The following PLXDC2 variants were observed in gnomAD, a reference collection of about 807,000 sequenced individuals.
PLXDC2 encodes the protein plexin domain containing 2.
PLXDC2 carries 40 observed loss-of-function variants against 68.9 expected under a neutral mutation model. That is an observed-to-expected ratio of 0.58 (90% CI 0.45 to 0.76). The LOEUF is 0.76. PLXDC2 is among the 30% of genes least tolerant of loss of function. PLXDC2 has a pLI of 0.00. For synonymous variants in PLXDC2, 243 were observed against 234.2 expected, an observed-to-expected ratio of 1.04 and a Z score of -0.34; for missense variants, 644 against 661.9, an observed-to-expected ratio of 0.97 and a Z score of 0.30.
intron 9 of PLXDC2, among the ~76,000 whole-genome samples, chr10:20,191,670 G>A (rs763288762): frequency 1.3e-5 from 2 of 150,968 alleles, no homozygotes; most frequent in African/African-American, 4.9e-5. Context: ...GTGGAGGGAG[G>A]GGGGAGGGAT....
Position 20,285,589 on chromosome 10 carries a change from G to A in PLXDC2, c.*5770G>A, listed in dbSNP as rs1836142974. 6.6e-6 allele frequency: 1 copy of A among 152,050 alleles called. No individual in the cohort carries two copies. The allele number at this position is 152,050 out of a possible 1,614,324, so 9.4% of individuals were successfully genotyped here. A position where few individuals can be genotyped will look rare whatever the true frequency, so the allele number is the denominator to read the frequency against. ...GTAGACCTGTTAATTTTATCTGTGA[G>A]AAAAAAAGTTACTCAAAATTCTCCC... On this transcript the variant is annotated 3_prime_UTR_variant, in exon 14 of 14. Coordinates refer to ENST00000377252, the MANE Select transcript of PLXDC2 (RefSeq NM_032812.9).
At chr10:20,166,811 A>C (rs766843410) in intron 7 of PLXDC2, among the ~76,000 whole-genome samples, 2 of 152,126 alleles carry the variant, frequency 1.3e-5, no homozygotes, top group Non-Finnish European at 2.9e-5. Flanking sequence ...CTTAGATATC[A>C]GGGCCCTAAA....
chr10:20,273,264 T>G (rs1835962215), intron 13 of PLXDC2, among the ~76,000 whole-genome samples: 1 of 152,228 alleles, frequency 6.6e-6, no homozygotes, highest in South Asian at 2.1e-4. Context: ...TTATTTTTTA[T>G]TTTTAATGAT....
At chr10:19,899,038 T>C (rs1024541365) in intron 1 of PLXDC2, among the ~76,000 whole-genome samples, 2 of 151,978 alleles carry the variant, frequency 1.3e-5, no homozygotes, top group Non-Finnish European at 2.9e-5. Flanking sequence ...ACCCAGAAAC[T>C]CAAAAGATGA....
chr10:20,189,582 A>G (rs1368144340), intron 9 of PLXDC2, among the ~76,000 whole-genome samples: 1 of 145,542 alleles, frequency 6.9e-6, no homozygotes, highest in South Asian at 2.1e-4. Flanking sequence ...CATATATATA[A>G]AAGTTTATTA....
chr10:20,213,409 C>A (rs1835095185), intron 10 of PLXDC2, among the ~76,000 whole-genome samples: 1 of 151,932 alleles, frequency 6.6e-6, no homozygotes, highest in African/African-American at 2.4e-5. Flanking sequence ...AGATCAGTGT[C>A]CCACTGTATT....
intron 13 of PLXDC2, among the ~76,000 whole-genome samples, chr10:20,273,919 G>A (rs192026770): frequency 1.9e-3 from 292 of 152,076 alleles, no homozygotes; most frequent in African/African-American, 6.2e-3. Context: ...CACTCCTGTC[G>A]TCCCAGCTAC....
At chr10:19,956,130 T>G (rs1589555365) in intron 1 of PLXDC2, among the ~76,000 whole-genome samples, 2 of 152,142 alleles carry the variant, frequency 1.3e-5, no homozygotes, top group East Asian at 3.8e-4. Flanking sequence ...ACATATCATC[T>G]CTATTAGGCT....
At chr10:19,858,535 TC>T (rs1206370588) in intron 1 of PLXDC2, among the ~76,000 whole-genome samples, 1 of 152,226 alleles carries the variant, frequency 6.6e-6, no homozygotes, top group Non-Finnish European at 1.5e-5. Flanking sequence ...ATAAGTACCT[TC>T]AGTAGAGTCA....
At chr10:19,853,181 T>TTATTCCATTATTA (rs1837153207) in intron 1 of PLXDC2, among the ~76,000 whole-genome samples, 6 of 152,126 alleles carry the variant, frequency 3.9e-5, no homozygotes, top group Non-Finnish European at 8.8e-5. Context: ...TATCTGAAAC[T>TTATTCCATTATTA]GTAGGACTTA....
At position 20,280,488 on chromosome 10, in the gene PLXDC2, G is replaced by A. The variant is rs1836067854; in HGVS notation, c.*669G>A. 6.6e-6 allele frequency: 1 copy of A among 152,134 alleles called. No homozygotes were observed. The allele number at this position is 152,134 out of a possible 1,614,324, so 9.4% of individuals were successfully genotyped here. On this transcript the variant is annotated 3_prime_UTR_variant, in exon 14 of 14. Transcript: ENST00000377252. ...CCATGTCTGCCTCTTCCTTTGTAAT[G>A]AATGACCTTTCTATGAGCTGTGACA...
chr10:19,944,562 G>A (rs1056933708), intron 1 of PLXDC2, among the ~76,000 whole-genome samples: 1 of 152,178 alleles, frequency 6.6e-6, no homozygotes, highest in African/African-American at 2.4e-5. Flanking sequence ...AAATGAATAG[G>A]TTTCAGAAAC....
rs756317548 is a variant in PLXDC2, at chr10:20,245,459, A to G, written c.1427A>G (p.Tyr476Cys). ...IVATAILVTV[Y>C]MYHHPTSAAS... ...GCCACAGCCATTCTTGTGACAGTCT[A>G]TATGTATCACCACCCAACATCAGCA... Residue 476 changes from tyrosine (Y) to cysteine (C), a missense_variant, in exon 13 of 14, where the codon TAT becomes TGT. Coordinates refer to ENST00000377252, the MANE Select transcript of PLXDC2 (RefSeq NM_032812.9). 1.9e-5 allele frequency: 31 copies of G among 1,613,160 alleles called. No individual in the cohort carries two copies. The Admixed American group carries it at 3.2e-4, about 16-fold the overall frequency.
intron 13 of PLXDC2, among the ~76,000 whole-genome samples, chr10:20,254,284 G>A (rs1835715395): frequency 6.6e-6 from 1 of 152,170 alleles, no homozygotes; most frequent in African/African-American, 2.4e-5. Context: ...CAAGCCAGAA[G>A]AAGGAGCCAG....
At chr10:20,072,493 G>GAGGAAAGAAAGAAAGAA (rs1453220524) in intron 4 of PLXDC2, among the ~76,000 whole-genome samples, 3 of 80,704 alleles carry the variant, frequency 3.7e-5, no homozygotes, top group Non-Finnish European at 7.3e-5. Flanking sequence ...AAGAAAGAAA[G>GAGGAAAGAAAGAAAGAA]AGAAAGAAAG....
intron 1 of PLXDC2, among the ~76,000 whole-genome samples, chr10:19,956,531 CAAAG>C (rs1564638783): frequency 6.6e-6 from 1 of 152,118 alleles, no homozygotes; most frequent in Non-Finnish European, 1.5e-5. Context: ...CATCAGCTCT[CAAAG>C]AAACCTTTGG....
chr10:20,177,713 T>C (rs1331156068), intron 9 of PLXDC2, among the ~76,000 whole-genome samples: 1 of 150,702 alleles, frequency 6.6e-6, no homozygotes, highest in African/African-American at 2.4e-5. Flanking sequence ...AAGACCAGCC[T>C]GGGCAACATA....
intron 9 of PLXDC2, among the ~76,000 whole-genome samples, chr10:20,187,349 AT>A (rs1166102972): frequency 1.3e-5 from 2 of 151,736 alleles, no homozygotes; most frequent in Non-Finnish European, 2.9e-5. Flanking sequence ...TGCTTTTATT[AT>A]CTTTAATTGA....
chr10:19,881,297 G>A (rs1201160919), intron 1 of PLXDC2, among the ~76,000 whole-genome samples: 3 of 151,986 alleles, frequency 2.0e-5, no homozygotes, highest in African/African-American at 7.2e-5. Context: ...TGTATTTTTG[G>A]TAGACACAGG....
Sources: allele counts gnomAD v4.1 joint callset (sites outside exome capture counted in the v4.1 genomes callset), GRCh38; gene constraint gnomAD v4.1.1; transcripts MANE v1.5; gene names NCBI Gene and HGNC (gene_info 2026-07-23, HGNC 2026-07-21).